Variants in NMBR observed in about 807,000 individuals in gnomAD.
The protein encoded by NMBR is neuromedin B receptor, also known as neuromedin-B receptor.
In NMBR, 16 loss-of-function variants were observed where a neutral mutation model predicts 20.5. The ratio of observed to expected loss-of-function variants is 0.78; its 90% CI spans 0.53 to 1.19. The LOEUF (loss-of-function observed/expected upper bound fraction) is 1.19. Ranked by LOEUF, NMBR falls within the 50% of genes most tolerant of loss-of-function variation. The pLI is 0.00. For missense variants in NMBR, 582 were observed against 499.1 expected, an observed-to-expected ratio of 1.17 and a Z score of -1.58; for synonymous variants, 212 against 196.6, an observed-to-expected ratio of 1.08 and a Z score of -0.65.
intron 1 of NMBR, among the ~76,000 whole-genome samples, chr6:142,123,911 A>G (rs1458567381): frequency 6.6e-6 from 1 of 151,948 alleles, no homozygotes; most frequent in Non-Finnish European, 1.5e-5. Context: ...TTTAAAAGCC[A>G]TAAATAGGAT....
At chr6:142,091,350 T>C (rs1032404480) in intron 1 of NMBR, among the ~76,000 whole-genome samples, 1 of 152,226 alleles carries the variant, frequency 6.6e-6, no homozygotes, top group South Asian at 2.1e-4. Context: ...ACCTTCCCCA[T>C]GTAGCTGGGA....
At chr6:142,105,452 A>C (rs1777645156) in intron 1 of NMBR, among the ~76,000 whole-genome samples, 1 of 152,224 alleles carries the variant, frequency 6.6e-6, no homozygotes, top group East Asian at 1.9e-4. Context: ...ATAAATTTAT[A>C]AAATCTGTCA....
At chr6:142,115,282 G>T (rs1777831247) in intron 1 of NMBR, among the ~76,000 whole-genome samples, 2 of 152,086 alleles carry the variant, frequency 1.3e-5, no homozygotes, top group Non-Finnish European at 2.9e-5. Flanking sequence ...TTTTAATGGG[G>T]AAGATGGAGA....
chr6:142,080,533 C>G (rs1473723791), intron 2 of NMBR, among the ~76,000 whole-genome samples: 1 of 151,950 alleles, frequency 6.6e-6, no homozygotes, highest in East Asian at 1.9e-4. Flanking sequence ...TGGTCTCATA[C>G]TCCTCCTGGG....
intron 1 of NMBR, among the ~76,000 whole-genome samples, chr6:142,104,790 A>G (rs1320665663): frequency 6.6e-6 from 1 of 152,200 alleles, no homozygotes; most frequent in Non-Finnish European, 1.5e-5. Flanking sequence ...GTGTCTGATT[A>G]ATGTCACATG....
rs1776918075 is a variant in NMBR, at chr6:142,075,602, T to C, written c.*46A>G. 1 of 1,519,408 alleles carries C rather than the reference T, an allele frequency of 6.6e-7. No individual in the cohort carries two copies. The highest frequency in any genetic ancestry group is 8.9e-7 in the Non-Finnish European group (1 of 1,129,882). The allele number at this position is 1,519,408 out of a possible 1,614,324, so 94.1% of individuals were successfully genotyped here. ...GTTCTGATCTGCCGAATAGGAATTT[T>C]AACAGTTACTAAGTTCTCTCCAGGT... On this transcript the variant is annotated 3_prime_UTR_variant, in exon 4 of 4. Transcript: ENST00000258042.
chr6:142,093,845 C>T (rs557366482), intron 1 of NMBR, among the ~76,000 whole-genome samples: 1 of 152,134 alleles, frequency 6.6e-6, no homozygotes, highest in Non-Finnish European at 1.5e-5. Flanking sequence ...GACTGCCATT[C>T]TAACTGGTGT....
At chr6:142,090,169 G>C (rs12528694) in intron 1 of NMBR, among the ~76,000 whole-genome samples, 1 of 152,080 alleles carries the variant, frequency 6.6e-6, no homozygotes, top group East Asian at 1.9e-4. Context: ...AAACTGATCA[G>C]AAATGGTGGC....
rs1019184658 is a variant in NMBR at position 142,129,057 on chromosome 6, C to G, written c.-664+17987G>C. On this transcript the variant is annotated intron_variant, in intron 1 of 3. Coordinates refer to ENST00000258042, the MANE Select transcript of NMBR (RefSeq NM_002511.4). ...TTAATCATCATGCATAATGCTTTAA[C>G]TCATTTTTATTTATTTTGATCCTAT... 3.3e-5 allele frequency among the ~76,000 whole-genome samples: 5 copies of G among 150,914 alleles called. No homozygotes were observed. The Admixed American group carries it at 3.3e-4, about 10-fold the overall frequency.
intron 1 of NMBR, among the ~76,000 whole-genome samples, chr6:142,102,012 C>A (rs979009258): frequency 5.3e-5 from 8 of 152,078 alleles, no homozygotes; most frequent in African/African-American, 1.7e-4. Flanking sequence ...GAGGATAATA[C>A]CAAGAGCTTG....
rs1038818997 is a variant in NMBR, at chr6:142,126,188, C to T, written c.-664+20856G>A. On this transcript the variant is annotated intron_variant, in intron 1 of 3. Transcript: ENST00000258042. ...GGCTTATTTCCCGTCAACATAATGT[C>T]CTTCATTTTCATTCATGTTGCAAAT... Among the ~76,000 whole-genome samples, 5 of 151,266 alleles carry T rather than the reference C, an allele frequency of 3.3e-5. No individual in the cohort carries two copies. In the East Asian group the frequency reaches 9.9e-4, roughly 30 times the overall value.
At chr6:142,141,495 T>C (rs1778359953) in intron 1 of NMBR, among the ~76,000 whole-genome samples, 1 of 151,940 alleles carries the variant, frequency 6.6e-6, no homozygotes, top group Non-Finnish European at 1.5e-5. Flanking sequence ...CTTTCTGAAG[T>C]TGTGTTGCTT....
Position 142,088,546 on chromosome 6 carries a change from G to A in NMBR, c.113C>T (p.Thr38Met), listed in dbSNP as rs758523214. ...DFLPASDGTT[T>M]ELVIRCVIPS... is the part of the protein sequence containing the mutation. ...GATCACACAGCGGATCACCAACTCCGTGGTGGTCCCGTCCGAGGCCGGCAG... is the reference window on the plus strand; with the variant it reads ...GATCACACAGCGGATCACCAACTCCATGGTGGTCCCGTCCGAGGCCGGCAG... The change falls in exon 2 of 4, where the codon ACG becomes ATG. Residue 38 changes from threonine (T) to methionine (M), a missense_variant. Coordinates refer to ENST00000258042, the MANE Select transcript of NMBR (RefSeq NM_002511.4). 4 of 1,614,014 alleles carry A rather than the reference G, an allele frequency of 2.5e-6. No individual in the cohort carries two copies. Among genetic ancestry groups the A allele is most frequent in the Non-Finnish European group, 3.4e-6 (4 of 1,179,992 alleles).
At chr6:142,080,941 A>G (rs1777081073) in intron 2 of NMBR, among the ~76,000 whole-genome samples, 1 of 152,212 alleles carries the variant, frequency 6.6e-6, no homozygotes, top group South Asian at 2.1e-4. Context: ...CACATATACT[A>G]TTGTAGAAGT....
At chr6:142,093,715 G>A (rs917876585) in intron 1 of NMBR, among the ~76,000 whole-genome samples, 2 of 152,124 alleles carry the variant, frequency 1.3e-5, no homozygotes, top group African/African-American at 4.8e-5. Flanking sequence ...CTAGATCCCT[G>A]AGGAATTGCC....
Position 142,096,437 on chromosome 6 carries a change from T to C in NMBR, c.-663-7116A>G, listed in dbSNP as rs553819279. Among the ~76,000 whole-genome samples, 66 of 152,328 alleles carry C rather than the reference T, an allele frequency of 4.3e-4. 1 individual carries two copies. The South Asian group carries it at 0.013, about 30-fold the overall frequency. ...CCAGTAGTCATTCAGGAGTAGGTTG[T>C]TCAGTTTCCATGTAGTTGTTCAGTT... is the stretch of plus-strand genomic sequence containing the variant. On this transcript the variant is annotated intron_variant, in intron 1 of 3. Coordinates refer to ENST00000258042, the MANE Select transcript of NMBR (RefSeq NM_002511.4).
intron 1 of NMBR, among the ~76,000 whole-genome samples, chr6:142,128,354 C>G (rs1017854141): frequency 6.6e-6 from 1 of 152,024 alleles, no homozygotes; most frequent in Admixed American, 6.6e-5. Flanking sequence ...CAGGCTAGTA[C>G]AGATATCTTT....
At chr6:142,146,382 A>G (rs1778435890) in intron 1 of NMBR, among the ~76,000 whole-genome samples, 1 of 152,212 alleles carries the variant, frequency 6.6e-6, no homozygotes, top group African/African-American at 2.4e-5. Context: ...GAGATAAAAT[A>G]AAGAAGGTTA....
At chr6:142,131,320 C>T (rs1181625551) in intron 1 of NMBR, among the ~76,000 whole-genome samples, 1 of 152,138 alleles carries the variant, frequency 6.6e-6, no homozygotes, top group Non-Finnish European at 1.5e-5. Flanking sequence ...TCTTTTCATA[C>T]ACCCACACCT....
Sources: allele counts gnomAD v4.1 joint callset (sites outside exome capture counted in the v4.1 genomes callset), GRCh38; gene constraint gnomAD v4.1.1; transcripts MANE v1.5; gene names NCBI Gene and HGNC (gene_info 2026-07-23, HGNC 2026-07-21).